Variants in CASR observed in about 807,000 individuals in gnomAD.
CASR encodes the protein calcium sensing receptor, also known as extracellular calcium-sensing receptor.
CASR carries 23 observed loss-of-function variants against 69.1 expected under a neutral mutation model. The ratio of observed to expected loss-of-function variants is 0.33; its 90% CI spans 0.24 to 0.47. The LOEUF is 0.47. CASR is among the 20% of genes least tolerant of loss of function. The pLI is 1.00. For synonymous variants in CASR, 541 were observed against 544.7 expected (o/e 0.99, Z 0.10); for missense variants, 924 against 1,356.1 (o/e 0.68, Z 5.00).
At chr3:122,250,015 A>C (rs187913151) in intron 1 of CASR, among the ~76,000 whole-genome samples, 3 of 152,314 alleles carry the variant, frequency 2.0e-5, no homozygotes, top group East Asian at 3.9e-4. Context: ...ACCTCCGTGC[A>C]GCAGAATAGA....
At chr3:122,203,193 C>T (rs569077008) in intron 1 of CASR, among the ~76,000 whole-genome samples, 1 of 152,286 alleles carries the variant, frequency 6.6e-6, no homozygotes, top group East Asian at 1.9e-4. Flanking sequence ...ACACATACAC[C>T]TATTGAGATT....
chr3:122,235,903 C>T (rs539537571), intron 1 of CASR, among the ~76,000 whole-genome samples: 1 of 152,306 alleles, frequency 6.6e-6, no homozygotes, highest in Non-Finnish European at 1.5e-5. Flanking sequence ...ATATGAAAGA[C>T]GGTCTAGCAA....
chr3:122,217,487 T>G (rs1445595217), intron 1 of CASR, among the ~76,000 whole-genome samples: 1 of 152,186 alleles, frequency 6.6e-6, no homozygotes, highest in Admixed American at 6.5e-5. Context: ...ATTCAGGATG[T>G]TTCCCTAAAG....
chr3:122,237,564 A>G lies in CASR; in HGVS notation c.-242-16384A>G, dbSNP rs1338942022. Among the ~76,000 whole-genome samples the G allele has an allele frequency of 7.2e-5, 11 of 152,382 alleles. No individual in the cohort carries two copies. The East Asian group carries it at 1.9e-3, about 27-fold the overall frequency. ...TTCACGCAGTGGAATATTATACCGC[A>G]GTTAAAATCATGGATTATAGTAAAG... On this transcript the variant is annotated intron_variant, in intron 1 of 6. Transcript: ENST00000639785.
chr3:122,264,460 A>AG (rs1166427924), intron 4 of CASR, among the ~76,000 whole-genome samples: 3 of 152,320 alleles, frequency 2.0e-5, no homozygotes, highest in East Asian at 1.9e-4. Flanking sequence ...ACTTAGAGTA[A>AG]GGGGGGAGTG....
intron 4 of CASR, among the ~76,000 whole-genome samples, chr3:122,272,021 G>A (rs1010229383): frequency 2.0e-5 from 3 of 151,656 alleles, no homozygotes; most frequent in Admixed American, 1.3e-4. Context: ...TGGTTGTTAT[G>A]AGTAATGTTG....
At chr3:122,223,067 G>A (rs771069524) in intron 1 of CASR, among the ~76,000 whole-genome samples, 20 of 152,102 alleles carry the variant, frequency 1.3e-4, no homozygotes, top group Non-Finnish European at 2.5e-4. Context: ...CACAACTAAA[G>A]CAGTGTTAAG....
chr3:122,219,668 A>T (rs1442693470), intron 1 of CASR, among the ~76,000 whole-genome samples: 2 of 152,246 alleles, frequency 1.3e-5, no homozygotes, highest in Admixed American at 6.5e-5. Context: ...CTGGAGGTTA[A>T]AGTGGCAAAG....
chr3:122,211,710 G>A (rs1328894248), intron 1 of CASR, among the ~76,000 whole-genome samples: 1 of 152,044 alleles, frequency 6.6e-6, no homozygotes, highest in African/African-American at 2.4e-5. Flanking sequence ...CTTGTCCTCT[G>A]CCACCAAAAA....
intron 4 of CASR, among the ~76,000 whole-genome samples, chr3:122,269,159 G>A (rs1455782451): frequency 1.3e-5 from 2 of 152,108 alleles, no homozygotes; most frequent in Admixed American, 1.3e-4. Flanking sequence ...CTTTTTATTT[G>A]TTTGCTTGTT....
intron 1 of CASR, among the ~76,000 whole-genome samples, chr3:122,204,624 A>G (rs1427029313): frequency 2.0e-5 from 3 of 152,002 alleles, no homozygotes; most frequent in Admixed American, 6.6e-5. Context: ...TGGTAGTTCT[A>G]TTTTTCATTT....
intron 1 of CASR, among the ~76,000 whole-genome samples, chr3:122,195,994 C>T (rs548268291): frequency 6.2e-4 from 95 of 152,170 alleles, no homozygotes; most frequent in Admixed American, 1.8e-3. Context: ...AGGAAATAAT[C>T]GTTGATATGT....
At chr3:122,184,056 C>T (rs2073748569) in intron 1 of CASR, among the ~76,000 whole-genome samples, 1 of 152,070 alleles carries the variant, frequency 6.6e-6, no homozygotes, top group Non-Finnish European at 1.5e-5. Context: ...CGGGGCTCGC[C>T]GTCTGCTGGG....
At chr3:122,239,947 A>T (rs1453915975) in intron 1 of CASR, among the ~76,000 whole-genome samples, 1 of 152,238 alleles carries the variant, frequency 6.6e-6, no homozygotes, top group Non-Finnish European at 1.5e-5. Context: ...ACAGGTAGAG[A>T]AATAGATAGG....
At chr3:122,266,849 A>T (rs2074700579) in intron 4 of CASR, among the ~76,000 whole-genome samples, 1 of 152,006 alleles carries the variant, frequency 6.6e-6, no homozygotes, top group African/African-American at 2.4e-5. Context: ...CTAAAAATAC[A>T]AAAAATTAGC....
At chr3:122,198,969 C>T (rs2107585565) in intron 1 of CASR, among the ~76,000 whole-genome samples, 1 of 152,170 alleles carries the variant, frequency 6.6e-6, no homozygotes, top group Non-Finnish European at 1.5e-5. Context: ...CTCTTTCCTC[C>T]AGAGAAGTAA....
intron 3 of CASR, among the ~76,000 whole-genome samples, chr3:122,258,678 GGTTAA>G (rs1397625533): frequency 2.6e-5 from 4 of 152,146 alleles, no homozygotes; most frequent in African/African-American, 7.2e-5. Flanking sequence ...TGAAAGATAA[GGTTAA>G]GTTGAGTTTG....
chr3:122,217,294 G>A (rs2074126579), intron 1 of CASR, among the ~76,000 whole-genome samples: 1 of 152,010 alleles, frequency 6.6e-6, no homozygotes, highest in Non-Finnish European at 1.5e-5. Flanking sequence ...TAGAGACAGG[G>A]TCTTTCTTTG....
rs750302987 is a variant in CASR at position 122,261,974 on chromosome 3, G to A, written c.939G>A (p.Val313=). ...SLIAMPQYFH[V]VGGTIGFALK... is the part of the protein sequence containing the mutation. ...TCGCCATGCCTCAGTACTTCCACGT[G>A]GTTGGCGGCACCATTGGATTCGCTC... The change falls in exon 4 of 7, where the codon GTG becomes GTA. Residue 313 remains valine (V), a synonymous_variant. Coordinates refer to ENST00000639785, the MANE Select transcript of CASR (RefSeq NM_000388.4). The A allele has an allele frequency of 1.9e-5, 31 of 1,614,202 alleles. No individual in the cohort carries two copies. The highest frequency in any genetic ancestry group is 2.2e-5 in the East Asian group (1 of 44,886).
Sources: allele counts gnomAD v4.1 joint callset (sites outside exome capture counted in the v4.1 genomes callset), GRCh38; gene constraint gnomAD v4.1.1; transcripts MANE v1.5; gene names NCBI Gene and HGNC (gene_info 2026-07-23, HGNC 2026-07-21).